FRMPD4: variants seen among roughly 807,000 people sequenced by gnomAD.
The protein encoded by FRMPD4 is FERM and PDZ domain containing 4, also known as FERM and PDZ domain-containing protein 4.
Under a neutral mutation model 94.1 loss-of-function variants are expected in FRMPD4, and 22 were observed. The observed-to-expected ratio is 0.23, with a 90% confidence interval of 0.17 to 0.33. The LOEUF is 0.33. Among genes scored for constraint, FRMPD4 ranks in the 10% least tolerant of loss-of-function variants. FRMPD4 has a pLI of 1.00. For synonymous variants in FRMPD4, 631 were observed against 548.6 expected (o/e 1.15, Z -2.10); for missense variants, 1,111 against 1,339.9 (o/e 0.83, Z 2.67).
intron 1 of FRMPD4, among the ~76,000 whole-genome samples, chrX:12,433,347 C>T (rs755852203): frequency 1.2e-3 from 132 of 112,260 alleles, no homozygotes; most frequent in African/African-American, 4.0e-3. Context: ...TTCCAAGGAC[C>T]TGAAAACGTG....
intron 1 of FRMPD4, among the ~76,000 whole-genome samples, chrX:12,414,068 A>G (rs1238900288): frequency 8.9e-6 from 1 of 112,808 alleles, no homozygotes; most frequent in African/African-American, 3.2e-5. Flanking sequence ...CCACAGTTTT[A>G]TATATCTTGG....
At chrX:12,159,316 G>A (rs2055985532) in intron 1 of FRMPD4, among the ~76,000 whole-genome samples, 1 of 112,175 alleles carries the variant, frequency 8.9e-6, no homozygotes, top group East Asian at 2.8e-4. Flanking sequence ...AACCTGTTCT[G>A]AGGCTAGATC....
chrX:11,859,775 C>T (rs758638130), intron 1 of FRMPD4, among the ~76,000 whole-genome samples: 13 of 111,779 alleles, frequency 1.2e-4, no homozygotes, highest in Non-Finnish European at 1.7e-4. Flanking sequence ...TAAGTGGTTT[C>T]CCTAAGGTTT....
At chrX:12,185,380 G>A (rs781469838) in intron 1 of FRMPD4, among the ~76,000 whole-genome samples, 2 of 111,324 alleles carry the variant, frequency 1.8e-5, no homozygotes, top group Non-Finnish European at 3.8e-5. Flanking sequence ...GCCTCACCCC[G>A]CACCCACAGA....
chrX:12,703,457 T>G (rs1317070475), intron 10 of FRMPD4, among the ~76,000 whole-genome samples: 1 of 111,639 alleles, frequency 9.0e-6, no homozygotes, highest in Non-Finnish European at 1.9e-5. Context: ...ATATGAATGG[T>G]CAAGTGGTGG....
chrX:11,957,525 C>CAAAAT lies in FRMPD4; in HGVS notation c.95+79532_95+79536dup, dbSNP rs773502928. Among the ~76,000 whole-genome samples, 92 of 108,417 alleles carry CAAAAT rather than the reference C, an allele frequency of 8.5e-4. 1 individual carries two copies. Among genetic ancestry groups the CAAAAT allele is most frequent in the East Asian group, 3.0e-3 (10 of 3,305 alleles). 94.1% of individuals were successfully genotyped at this position (108,417 alleles called of 115,157 possible). The stretch of plus-strand genomic sequence containing the variant: ...GGCTGCAGTGAGTGAGACCCTGTCT[C>CAAAAT]AAAATAAAATAAAATAAAATAAAAT... On this transcript the variant is annotated intron_variant, in intron 3 of 18. Coordinates refer to the FRMPD4 transcript ENST00000640291.
chrX:12,320,431 A>G (rs1264940962), intron 1 of FRMPD4, among the ~76,000 whole-genome samples: 1 of 111,596 alleles, frequency 9.0e-6, no homozygotes, highest in African/African-American at 3.3e-5. Flanking sequence ...AAACCCCAGC[A>G]GTCTACATCC....
At chrX:12,566,897 CGAAGA>C (rs747665310) in intron 2 of FRMPD4, among the ~76,000 whole-genome samples, 2 of 105,607 alleles carry the variant, frequency 1.9e-5, no homozygotes, top group Non-Finnish European at 3.9e-5. Flanking sequence ...CAGCTCTCAG[CGAAGA>C]GAAAACTACC....
intron 1 of FRMPD4, among the ~76,000 whole-genome samples, chrX:12,374,648 G>C (rs1487892750): frequency 8.9e-6 from 1 of 112,072 alleles, no homozygotes; most frequent in Non-Finnish European, 1.9e-5. Context: ...GGATTCAAGA[G>C]GGCTAAGATT....
At chrX:11,823,172 G>A (rs975339824) in intron 1 of FRMPD4, among the ~76,000 whole-genome samples, 12 of 110,741 alleles carry the variant, frequency 1.1e-4, no homozygotes, top group East Asian at 2.8e-4. Context: ...ACTAACGGAT[G>A]CAAGAGACTA....
At position 12,073,870 on chromosome X, in the gene FRMPD4, TCA is replaced by T. The variant is rs752585904; in HGVS notation, c.95+195853_95+195854del. 1.8e-3 allele frequency among the ~76,000 whole-genome samples: 202 copies of T among 112,178 alleles called. 1 individual carries two copies. Among genetic ancestry groups the T allele is most frequent in the African/African-American group, 6.4e-3 (199 of 30,945 alleles). ...AGGTGTGTACCTCCATGTCCAACTC[TCA>T]TTTTTGTTTTAATCGGTATTTTTCT... is the stretch of plus-strand genomic sequence containing the variant. On this transcript the variant is annotated intron_variant, in intron 3 of 18. Transcript: ENST00000640291.
intron 3 of FRMPD4, among the ~76,000 whole-genome samples, chrX:12,015,827 C>T (rs761065344): frequency 8.9e-6 from 1 of 111,967 alleles, no homozygotes; most frequent in African/African-American, 3.2e-5. Context: ...ACTTTGTAAC[C>T]ATGAGGCAGC....
At chrX:12,252,576 A>G (rs2054057203) in intron 1 of FRMPD4, among the ~76,000 whole-genome samples, 1 of 112,192 alleles carries the variant, frequency 8.9e-6, no homozygotes, top group Non-Finnish European at 1.9e-5. Flanking sequence ...TTAGATGATG[A>G]TGTTCTCACA....
At chrX:12,482,183 G>A (rs1330923972) in intron 1 of FRMPD4, among the ~76,000 whole-genome samples, 1 of 110,209 alleles carries the variant, frequency 9.1e-6, no homozygotes. Flanking sequence ...TTAACCCTAT[G>A]TTGCTAAGAG....
intron 1 of FRMPD4, among the ~76,000 whole-genome samples, chrX:12,479,085 G>T (rs767216979): frequency 9.0e-6 from 1 of 110,929 alleles, no homozygotes; most frequent in East Asian, 2.8e-4. Context: ...AATTCTCCAA[G>T]GAACCAATAA....
chrX:12,711,314 G>T, intron 14 of FRMPD4, among the ~76,000 whole-genome samples: 1 of 111,693 alleles, frequency 9.0e-6, no homozygotes, highest in Non-Finnish European at 1.9e-5. Context: ...TTACAAACAG[G>T]AAGACGTGGT....
At chrX:12,446,992 C>T (rs1232920078) in intron 1 of FRMPD4, among the ~76,000 whole-genome samples, 2 of 111,440 alleles carry the variant, frequency 1.8e-5, no homozygotes, top group Non-Finnish European at 3.8e-5. Flanking sequence ...GCCCAGCATG[C>T]CCATAGCTCT....
intron 2 of FRMPD4, among the ~76,000 whole-genome samples, chrX:12,554,709 G>A (rs2058576774): frequency 9.0e-6 from 1 of 111,636 alleles, no homozygotes; most frequent in South Asian, 3.8e-4. Context: ...ACCTCCCAGG[G>A]CTCAGGTGAT....
intron 1 of FRMPD4, among the ~76,000 whole-genome samples, chrX:12,256,325 A>G (rs1400461215): frequency 4.5e-5 from 5 of 112,053 alleles, no homozygotes; most frequent in South Asian, 3.7e-4. Context: ...TTAAAAAATG[A>G]TAGACTAGGG....
Sources: allele counts gnomAD v4.1 joint callset (sites outside exome capture counted in the v4.1 genomes callset), GRCh38; gene constraint gnomAD v4.1.1; transcripts MANE v1.5; gene names NCBI Gene and HGNC (gene_info 2026-07-23, HGNC 2026-07-21).